TRPC7: variants seen among roughly 807,000 people sequenced by gnomAD.
TRPC7 encodes transient receptor potential cation channel subfamily C member 7.
In TRPC7, 42 loss-of-function variants were observed where a neutral mutation model predicts 90.1. The ratio of observed to expected loss-of-function variants is 0.47; its 90% CI spans 0.36 to 0.60. The LOEUF (loss-of-function observed/expected upper bound fraction) is 0.60, where lower values mean the gene tolerates loss of function less well. Among genes scored for constraint, TRPC7 ranks in the 20% least tolerant of loss-of-function variants. TRPC7 has a pLI of 0.00. For synonymous variants in TRPC7, 451 were observed against 436.3 expected (o/e 1.03, Z -0.42); for missense variants, 955 against 1,112.3 (o/e 0.86, Z 2.01).
chr5:136,292,837 AC>A (rs1758010444), intron 3 of TRPC7, among the ~76,000 whole-genome samples: 1 of 149,328 alleles, frequency 6.7e-6, no homozygotes, highest in Admixed American at 6.6e-5. Flanking sequence ...CAGAGACACA[AC>A]CAAAAAAGAG....
intron 3 of TRPC7, among the ~76,000 whole-genome samples, chr5:136,299,004 T>TA (rs540798862): frequency 1.9e-4 from 29 of 149,352 alleles, no homozygotes; most frequent in South Asian, 6.4e-4. Flanking sequence ...TCTGATTACT[T>TA]AAAAAAAAAA....
At chr5:136,329,489 G>T (rs755813927) in intron 2 of TRPC7, among the ~76,000 whole-genome samples, 1 of 152,056 alleles carries the variant, frequency 6.6e-6, no homozygotes, top group Non-Finnish European at 1.5e-5. Flanking sequence ...GTTTCCAAAA[G>T]GAGGCAGAGT....
intron 1 of TRPC7, among the ~76,000 whole-genome samples, chr5:136,362,943 G>A (rs751123552): frequency 2.6e-4 from 39 of 152,088 alleles, no homozygotes; most frequent in Non-Finnish European, 4.6e-4. Context: ...TTGAATCTGG[G>A]TTGATCATTT....
At chr5:136,252,083 C>T (rs766508407) in intron 5 of TRPC7, among the ~76,000 whole-genome samples, 1 of 152,172 alleles carries the variant, frequency 6.6e-6, no homozygotes, top group African/African-American at 2.4e-5. Context: ...CTTGTGCTTA[C>T]GAACACACTG....
At chr5:136,235,016 G>A (rs1006167804) in intron 7 of TRPC7, among the ~76,000 whole-genome samples, 4 of 152,094 alleles carry the variant, frequency 2.6e-5, no homozygotes, top group African/African-American at 9.7e-5. Context: ...AAAAACACTA[G>A]AATAAAGTAT....
intron 2 of TRPC7, among the ~76,000 whole-genome samples, chr5:136,353,791 C>T (rs1760274495): frequency 1.3e-5 from 2 of 152,310 alleles, no homozygotes; most frequent in Admixed American, 6.5e-5. Flanking sequence ...CCAAGTAAGT[C>T]ACTGAATTGT....
Position 136,247,403 on chromosome 5 carries a change from TC to T in TRPC7, c.1844+67del, listed in dbSNP as rs1048523511. On this transcript the variant is annotated intron_variant, in intron 7 of 11. Coordinates refer to ENST00000513104, the MANE Select transcript of TRPC7 (RefSeq NM_020389.3). The surrounding 1 kb of genome is among the most constrained non-coding windows in gnomAD (Gnocchi z 4.2). ...CAGCAGTCTCTGCAAGAAGCCACCTTCAGGAGACTCCCAAGGATTCCCAGGA... is the reference window on the plus strand; with the variant it reads ...CAGCAGTCTCTGCAAGAAGCCACCTTAGGAGACTCCCAAGGATTCCCAGGA... The T allele has an allele frequency of 6.6e-7, 1 of 1,516,866 alleles. No homozygotes were observed. The highest frequency in any genetic ancestry group is 1.4e-5 in the African/African-American group (1 of 72,028). 94.0% of individuals were successfully genotyped at this position (1,516,866 alleles called of 1,614,324 possible). A position where few individuals can be genotyped will look rare whatever the true frequency, so the allele number is the denominator to read the frequency against.
intron 2 of TRPC7, among the ~76,000 whole-genome samples, chr5:136,350,095 G>T (rs1297973116): frequency 6.6e-6 from 1 of 152,128 alleles, no homozygotes. Context: ...GTTTGGGCAG[G>T]TACACTCTGT....
At chr5:136,284,819 TGAG>T (rs1377175832) in intron 3 of TRPC7, among the ~76,000 whole-genome samples, 1 of 152,164 alleles carries the variant, frequency 6.6e-6, no homozygotes, top group East Asian at 1.9e-4. Flanking sequence ...AAAAGCATGC[TGAG>T]GAGAAGGAGC....
At chr5:136,313,417 A>ATCTG (rs72415099) in intron 3 of TRPC7, among the ~76,000 whole-genome samples, 10 of 151,782 alleles carry the variant, frequency 6.6e-5, no homozygotes, top group Non-Finnish European at 7.4e-5. Flanking sequence ...CTATCTATCT[A>ATCTG]TCTGTCTATC....
chr5:136,251,617 A>C, intron 6 of TRPC7, 32 bp downstream of exon 6: 2 of 1,543,702 alleles, frequency 1.3e-6, no homozygotes, highest in South Asian at 2.3e-5. Flanking sequence ...GGAAGCGCCA[A>C]AATGGAGTAG....
At chr5:136,324,212 T>C (rs1759278537) in intron 2 of TRPC7, among the ~76,000 whole-genome samples, 1 of 152,184 alleles carries the variant, frequency 6.6e-6, no homozygotes, top group African/African-American at 2.4e-5. Flanking sequence ...ATTTTCTACA[T>C]AGACAAACAT....
intron 2 of TRPC7, among the ~76,000 whole-genome samples, chr5:136,338,039 A>T (rs764986641): frequency 2.6e-5 from 4 of 152,066 alleles, no homozygotes; most frequent in Non-Finnish European, 5.9e-5. Context: ...TAACCATGGG[A>T]GGGAATGGTG....
intron 3 of TRPC7, among the ~76,000 whole-genome samples, chr5:136,286,888 C>G (rs1348926182): frequency 6.6e-6 from 1 of 152,182 alleles, no homozygotes; most frequent in Non-Finnish European, 1.5e-5. Flanking sequence ...TCACAAACAA[C>G]AGCTACACCT....
intron 3 of TRPC7, among the ~76,000 whole-genome samples, chr5:136,311,686 C>A (rs1758838155): frequency 6.6e-6 from 1 of 152,202 alleles, no homozygotes; most frequent in South Asian, 2.1e-4. Context: ...CAAGCCGATG[C>A]TGGAGGGGTG....
chr5:136,249,026 A>G (rs945577178), intron 6 of TRPC7, among the ~76,000 whole-genome samples: 2 of 152,212 alleles, frequency 1.3e-5, no homozygotes, highest in African/African-American at 2.4e-5. Flanking sequence ...TGAAATATTA[A>G]TTGAGAAGCA....
chr5:136,275,497 T>A (rs77237721), intron 3 of TRPC7, among the ~76,000 whole-genome samples: 2,597 of 152,284 alleles, frequency 0.017, 66 homozygotes, highest in African/African-American at 0.059. Context: ...CCCAGTGGTG[T>A]TGGGCTTGAA....
At chr5:136,330,038 T>C (rs745412296) in intron 2 of TRPC7, among the ~76,000 whole-genome samples, 5 of 152,116 alleles carry the variant, frequency 3.3e-5, no homozygotes, top group Non-Finnish European at 7.4e-5. Flanking sequence ...GTAGAGTGCT[T>C]CCTATAGGCC....
At chr5:136,228,423 T>G (rs1755700298) in intron 8 of TRPC7, among the ~76,000 whole-genome samples, 2 of 141,102 alleles carry the variant, frequency 1.4e-5, no homozygotes, top group African/African-American at 5.4e-5. Flanking sequence ...AGAGGGAGGA[T>G]TTTTTATAGT....
Sources: allele counts gnomAD v4.1 joint callset (sites outside exome capture counted in the v4.1 genomes callset), GRCh38; gene constraint gnomAD v4.1.1; non-coding constraint Gnocchi (gnomAD v3.1); transcripts MANE v1.5; gene names NCBI Gene and HGNC (gene_info 2026-07-23, HGNC 2026-07-21).